Variants in PMEL observed in about 807,000 individuals in gnomAD.
PMEL encodes melanocyte protein PMEL.
In PMEL, 53 loss-of-function variants were observed where a neutral mutation model predicts 64.9. That is an observed-to-expected ratio of 0.82 (90% CI 0.66 to 1.03). The LOEUF is 1.03. PMEL is among the 50% of genes least tolerant of loss of function. The pLI is 0.00. For synonymous variants in PMEL, 299 were observed against 316.2 expected, an observed-to-expected ratio of 0.95 and a Z score of 0.58; for missense variants, 716 against 814.9, an observed-to-expected ratio of 0.88 and a Z score of 1.48.
chr12:55,957,937 G>T lies in PMEL; in HGVS notation c.617C>A (p.Ala206Asp). The change falls in exon 5 of 11, where the codon GCC (alanine) becomes GAC (aspartate). Residue 206 changes from alanine (A) to aspartate (D), a missense_variant. Coordinates refer to ENST00000548747, the MANE Select transcript of PMEL (RefSeq NM_001384361.1). ...TAAACCCTTACCAGTAATGGTGAAG[G>T]CTGAGCTGGAATGAGCAAGAGGCAC... The part of the protein sequence containing the change: ...SYVPLAHSSS[A>D]FTITDQVPFS... 6.2e-7 allele frequency: 1 copy of T among 1,614,120 alleles called. No individual in the cohort carries two copies.
chr12:55,966,095 C>T (rs867110733), upstream of PMEL: 11 of 1,604,128 alleles, frequency 6.9e-6, no homozygotes, highest in Non-Finnish European at 9.4e-6. Flanking sequence ...TTTGCATAGC[C>T]CTTCCTCTTC....
chr12:55,966,107 C>G, upstream of PMEL: 2 of 1,596,686 alleles, frequency 1.3e-6, no homozygotes, highest in African/African-American at 1.3e-5. Context: ...TTCCTCTTCT[C>G]CCTCAGAGAA....
At position 55,961,301 on chromosome 12, in the gene PMEL, A is replaced by G. The variant is rs199977392; in HGVS notation, c.334+16T>C. ...TGAGCCCTAGGAATAAGGACCTAGA[A>G]TAGAGAAGTACTCACCATTGATGAT... On this transcript the variant is annotated intron_variant, in intron 3 of 10. Transcript: ENST00000548747. The G allele has an allele frequency of 1.3e-5, 21 of 1,613,360 alleles. No individual in the cohort carries two copies. In the East Asian group the frequency reaches 4.5e-4, roughly 34 times the overall value.
At chr12:55,958,251 G>A (rs1020885505) in intron 4 of PMEL, 167 bp from the exon 5 acceptor site, 157 of 783,876 alleles carry the variant, frequency 2.0e-4, no homozygotes, top group Admixed American at 1.5e-3. Context: ...TCCTAATGAG[G>A]CATTCCATGG....
chr12:55,955,266 GC>G lies in PMEL; in HGVS notation c.1850+7del. On this transcript the variant is annotated splice_region_variant and intron_variant, in intron 10 of 10. Coordinates refer to ENST00000548747, the MANE Select transcript of PMEL (RefSeq NM_001384361.1). ...AAGGGGGTCTGAGCTGTGTGATGAG[GC>G]CCTTACCTATATATCAGAGATGCAA... The G allele has an allele frequency of 6.3e-7, 1 of 1,582,890 alleles. No individual in the cohort carries two copies. Among genetic ancestry groups the G allele is most frequent in the African/African-American group, 1.4e-5 (1 of 71,892 alleles).
chr12:55,966,555 C>T, upstream of PMEL: 1 of 439,684 alleles, frequency 2.3e-6, no homozygotes, highest in Non-Finnish European at 3.1e-6. Flanking sequence ...AGTTAGAAAT[C>T]AAGAAATCCC....
rs942798153 is a variant in PMEL, at chr12:55,964,315, C to T, written c.76+1621G>A. Among the ~76,000 whole-genome samples, 37 of 152,144 alleles carry T rather than the reference C, an allele frequency of 2.4e-4. 1 individual carries two copies. Among genetic ancestry groups the T allele is most frequent in the African/African-American group, 8.9e-4 (37 of 41,498 alleles). The stretch of plus-strand genomic sequence containing the variant: ...GGCTGGGATTACAGGCATGCACCAC[C>T]ACGCCCAGCTAATTTTGTATTTTTA... On this transcript the variant is annotated intron_variant, in intron 1 of 10. Transcript: ENST00000548747.
chr12:55,960,260 T>C lies in PMEL; in HGVS notation c.334+1057A>G, dbSNP rs182892918. On this transcript the variant is annotated intron_variant, in intron 3 of 10. Coordinates refer to ENST00000548747, the MANE Select transcript of PMEL (RefSeq NM_001384361.1). ...AGAAAAGAAAAGAAAAAAAAAGAAA[T>C]GGAAACACAAAACAAGTAACTTGCC... is the stretch of plus-strand genomic sequence containing the variant. Among the ~76,000 whole-genome samples the C allele has an allele frequency of 5.2e-4, 74 of 143,132 alleles. 3 individuals carry two copies. In the East Asian group the frequency reaches 7.4e-3, roughly 14 times the overall value. The allele number at this position is 143,132 out of a possible 152,430, so 93.9% of individuals were successfully genotyped here.
chr12:55,965,557 C>T (rs2136453497), intron 1 of PMEL, among the ~76,000 whole-genome samples: 1 of 152,200 alleles, frequency 6.6e-6, no homozygotes, highest in South Asian at 2.1e-4. Context: ...GATTGTATCT[C>T]CTTAGTGTTC....
At position 55,956,887 on chromosome 12, in the gene PMEL, G is replaced by T; in HGVS notation, c.1354+62C>A. The T allele has an allele frequency of 3.2e-6, 5 of 1,547,892 alleles. No individual in the cohort carries two copies. The South Asian group carries it at 3.6e-5, about 11-fold the overall frequency. On this transcript the variant is annotated intron_variant, in intron 6 of 10. Coordinates refer to ENST00000548747, the MANE Select transcript of PMEL (RefSeq NM_001384361.1). ...TGGGTAACATCTGAGTCCTGGGTAA[G>T]ACTTACAGAGTAGAGTAGGGTACCC...
At chr12:55,965,399 C>T (rs1406147794) in intron 1 of PMEL, among the ~76,000 whole-genome samples, 1 of 150,066 alleles carries the variant, frequency 6.7e-6, no homozygotes, top group Non-Finnish European at 1.5e-5. Flanking sequence ...CCTCTCACCA[C>T]CCCACCCCCG....
At position 55,955,634 on chromosome 12, in the gene PMEL, G is replaced by A. The variant is rs1565772839; in HGVS notation, c.1592C>T (p.Pro531Leu). The part of the protein sequence containing the change: ...PKEACMEISS[P>L]GCQPPAQRLC... ...CCGCTGGGCAGGGGGCTGGCACCCT[G>A]GCGATGAGATCTCCATGCAGGCTTC... Residue 531 changes from proline to leucine, a missense_variant, in exon 9 of 11, where the codon CCA becomes CTA. Physicochemically the swap from Pro to Leu is moderately conservative, Grantham distance 98. Transcript: ENST00000548747. 24 of 1,613,510 alleles carry A rather than the reference G, an allele frequency of 1.5e-5. No homozygotes were observed. Among genetic ancestry groups the A allele is most frequent in the Non-Finnish European group, 2.0e-5 (24 of 1,179,718 alleles).
chr12:55,962,448 C>CAAAAAAAAAAA (rs1197796228), intron 1 of PMEL, among the ~76,000 whole-genome samples: 5 of 37,500 alleles, frequency 1.3e-4, no homozygotes, highest in African/African-American at 1.6e-4. Context: ...GACTCCATCT[C>CAAAAAAAAAAA]AAAAAAAAAA....
rs1198724408 is a variant in PMEL, at chr12:55,963,156, C to CA, written c.77-1425dup. 9.3e-3 allele frequency among the ~76,000 whole-genome samples: 1,121 copies of CA among 120,696 alleles called. 7 individuals are homozygous for CA. The highest frequency in any genetic ancestry group is 0.03 in the Middle Eastern group (7 of 236). The allele number at this position is 120,696 out of a possible 152,430, so 79.2% of individuals were successfully genotyped here. On this transcript the variant is annotated intron_variant, in intron 1 of 10. Coordinates refer to ENST00000548747, the MANE Select transcript of PMEL (RefSeq NM_001384361.1). Reference sequence around the variant, plus strand: ...TGGGCTACAGAGCAAGACTCCGTCTCAAAAAAAAAAAAAAATTTACTTTTG... The same window carrying CA: ...TGGGCTACAGAGCAAGACTCCGTCTCAAAAAAAAAAAAAAAATTTACTTTTG...
At chr12:55,956,026 C>A in intron 7 of PMEL, 77 bp downstream of exon 7, 3 of 1,154,876 alleles carry the variant, frequency 2.6e-6, no homozygotes, top group Non-Finnish European at 3.9e-6. Flanking sequence ...GTAATTCCTC[C>A]CAAGGTGTGC....
rs766901033 is a variant in PMEL at position 55,954,276 on chromosome 12, G to C, written c.1924C>G (p.Arg642Gly). The C allele has an allele frequency of 8.1e-6, 13 of 1,613,808 alleles. No individual in the cohort carries two copies. In the South Asian group the frequency reaches 1.2e-4, roughly 15 times the overall value. Reference sequence around the variant, plus strand: ...CCAATGGGACAAGAGCAGAAGATGCGGGGTAGACGCAGCCAGTGACTGCTG... The same window carrying C: ...CCAATGGGACAAGAGCAGAAGATGCCGGGTAGACGCAGCCAGTGACTGCTG... ...HSSSHWLRLPRIFCSCPIGEN... is the reference protein window; with the variant it reads ...HSSSHWLRLPGIFCSCPIGEN... The change falls in exon 11 of 11, where the codon CGC (arginine) becomes GGC (glycine). Residue 642 changes from arginine to glycine, a missense_variant. By Grantham distance (125) the Arg-to-Gly change is moderately radical. Transcript: ENST00000548747.
intron 5 of PMEL, 84 bp downstream of exon 5, chr12:55,957,839 T>G (rs762788178): frequency 3.6e-5 from 56 of 1,562,704 alleles, no homozygotes; most frequent in Non-Finnish European, 4.7e-5. Flanking sequence ...TGCACAGCAT[T>G]TCACCTTTCT....
At chr12:55,962,807 A>G (rs919446260) in intron 1 of PMEL, among the ~76,000 whole-genome samples, 2 of 151,874 alleles carry the variant, frequency 1.3e-5, no homozygotes, top group African/African-American at 4.8e-5. Context: ...CTGGGATTAT[A>G]GGCGTGAGCC....
At position 55,955,865 on chromosome 12, in the gene PMEL, T is replaced by C; in HGVS notation, c.1472-2A>G. 1 of 1,613,272 alleles carries C rather than the reference T, an allele frequency of 6.2e-7. No individual in the cohort carries two copies. Among genetic ancestry groups the C allele is most frequent in the Non-Finnish European group, 8.5e-7 (1 of 1,179,202 alleles). ...GGATCTCGGCACTTTCAATACCCTC[T>C]GCAGAGTTGCAAGCTTATCAAATTA... is the stretch of plus-strand genomic sequence containing the variant. On this transcript the variant is annotated splice_acceptor_variant, in intron 7 of 10. Transcript: ENST00000548747. LOFTEE classifies it high-confidence loss of function.
Sources: gnomAD v4.1 joint callset for allele counts (sites outside exome capture counted in the v4.1 genomes callset) on GRCh38, gnomAD v4.1.1 for gene constraint, MANE v1.5 for transcripts, NCBI Gene and HGNC (gene_info 2026-07-23, HGNC 2026-07-21) for gene names.